Variants in KCNIP4 observed in about 807,000 individuals in gnomAD.
KCNIP4 encodes Kv channel-interacting protein 4.
A neutral mutation model predicts 34.0 loss-of-function variants in KCNIP4; 12 were observed. The observed-to-expected ratio is 0.35, with a 90% CI of 0.23 to 0.57. KCNIP4 has a LOEUF of 0.57. KCNIP4 is among the 20% of genes least tolerant of loss of function. The pLI, the probability that KCNIP4 is intolerant of heterozygous loss-of-function variation, is 0.83. For synonymous variants in KCNIP4, 124 were observed against 102.2 expected (o/e 1.21, Z -1.29); for missense variants, 238 against 311.7 (o/e 0.76, Z 1.78).
In KCNIP4 at chr4:20,956,887, C is replaced by G. The variant is rs116742525; in HGVS notation, c.62-74178G>C. Reference sequence around the variant, plus strand: ...ACATGTATCAGAAGTTAGAATAACACAAATAACTGCTAGCATTTGCATAGC... The same window carrying G: ...ACATGTATCAGAAGTTAGAATAACAGAAATAACTGCTAGCATTTGCATAGC... On this transcript the variant is annotated intron_variant, in intron 1 of 8. Transcript: ENST00000382152. 7.3e-3 allele frequency among the ~76,000 whole-genome samples: 1,104 copies of G among 152,148 alleles called. 15 individuals carry two copies. Among genetic ancestry groups the G allele is most frequent in the African/African-American group, 0.025 (1,029 of 41,512 alleles).
At chr4:21,648,381 G>A (rs1291352692) in intron 1 of KCNIP4, among the ~76,000 whole-genome samples, 2 of 152,134 alleles carry the variant, frequency 1.3e-5, no homozygotes, top group African/African-American at 2.4e-5. Context: ...TAAGCAGTAA[G>A]AGCTCATTGT....
At chr4:21,348,981 G>GTCAATTACTTT (rs1717736924) in intron 1 of KCNIP4, among the ~76,000 whole-genome samples, 1 of 152,104 alleles carries the variant, frequency 6.6e-6, no homozygotes, top group African/African-American at 2.4e-5. Context: ...TGAGAGAATT[G>GTCAATTACTTT]GCTTTGTCAA....
chr4:20,792,466 T>C (rs1712896202), intron 3 of KCNIP4, among the ~76,000 whole-genome samples: 1 of 152,036 alleles, frequency 6.6e-6, no homozygotes. Context: ...TTATCTCATA[T>C]GCCAATGGGA....
intron 1 of KCNIP4, among the ~76,000 whole-genome samples, chr4:21,252,969 A>G (rs1020593796): frequency 6.6e-6 from 1 of 152,024 alleles, no homozygotes; most frequent in Non-Finnish European, 1.5e-5. Flanking sequence ...TATCTACCCC[A>G]TAAAGGGGTT....
chr4:21,870,074 T>C (rs147712844), intron 1 of KCNIP4, among the ~76,000 whole-genome samples: 200 of 152,300 alleles, frequency 1.3e-3, no homozygotes, highest in African/African-American at 2.8e-3. Context: ...TAGGAGGCCA[T>C]ACTAGCTGTT....
chr4:21,182,181 T>C (rs1754888617), intron 1 of KCNIP4, among the ~76,000 whole-genome samples: 1 of 152,144 alleles, frequency 6.6e-6, no homozygotes, highest in African/African-American at 2.4e-5. Flanking sequence ...ACACATTAGA[T>C]GCAGGATGCC....
At chr4:21,021,384 T>C (rs1202565265) in intron 1 of KCNIP4, among the ~76,000 whole-genome samples, 1 of 152,100 alleles carries the variant, frequency 6.6e-6, no homozygotes, top group Admixed American at 6.5e-5. Context: ...ACCCTAAATT[T>C]AACTTAAAAT....
At chr4:20,965,746 T>C (rs1269929710) in intron 1 of KCNIP4, among the ~76,000 whole-genome samples, 1 of 152,228 alleles carries the variant, frequency 6.6e-6, no homozygotes, top group Non-Finnish European at 1.5e-5. Context: ...ATTTTGCAAC[T>C]ATAGAATTTC....
chr4:20,841,882 G>C (rs1465203000), intron 3 of KCNIP4, among the ~76,000 whole-genome samples: 1 of 152,000 alleles, frequency 6.6e-6, no homozygotes, highest in African/African-American at 2.4e-5. Flanking sequence ...ATGATTTTGG[G>C]TTGTTCTTTA....
At chr4:21,666,361 C>T (rs1748961458) in intron 1 of KCNIP4, among the ~76,000 whole-genome samples, 2 of 152,210 alleles carry the variant, frequency 1.3e-5, no homozygotes, top group Non-Finnish European at 2.9e-5. Flanking sequence ...TGCAACGGAT[C>T]ATCTCCCCAC....
At chr4:21,874,347 C>T (rs1158137121) in intron 1 of KCNIP4, among the ~76,000 whole-genome samples, 2 of 152,186 alleles carry the variant, frequency 1.3e-5, no homozygotes, top group African/African-American at 4.8e-5. Flanking sequence ...CACATTTACT[C>T]TCTGTCCTTC....
At chr4:21,096,829 G>A (rs1747496937) in intron 1 of KCNIP4, among the ~76,000 whole-genome samples, 1 of 152,032 alleles carries the variant, frequency 6.6e-6, no homozygotes, top group South Asian at 2.1e-4. Context: ...TAGATAAATA[G>A]CTATGATACC....
chr4:21,043,558 C>A (rs1742149201), intron 1 of KCNIP4, among the ~76,000 whole-genome samples: 1 of 151,644 alleles, frequency 6.6e-6, no homozygotes, highest in African/African-American at 2.4e-5. Flanking sequence ...AGGCTGGTCT[C>A]AAACTCCTGA....
chr4:21,010,816 T>A (rs1323088469), intron 1 of KCNIP4, among the ~76,000 whole-genome samples: 1 of 152,214 alleles, frequency 6.6e-6, no homozygotes, highest in Non-Finnish European at 1.5e-5. Context: ...ATTTTTTAGT[T>A]TAACCTTTCC....
At chr4:21,532,976 A>T (rs1373341027) in intron 1 of KCNIP4, among the ~76,000 whole-genome samples, 1 of 135,446 alleles carries the variant, frequency 7.4e-6, no homozygotes, top group East Asian at 2.4e-4. Flanking sequence ...AAGAGAAAAT[A>T]CATACATATG....
At chr4:21,328,844 C>G (rs1217666872) in intron 1 of KCNIP4, among the ~76,000 whole-genome samples, 1 of 152,230 alleles carries the variant, frequency 6.6e-6, no homozygotes, top group Non-Finnish European at 1.5e-5. Context: ...ACAGAGGAGT[C>G]TCTTCCCTAG....
rs997122095 is a variant in KCNIP4, at chr4:20,972,626, A to G, written c.62-89917T>C. On this transcript the variant is annotated intron_variant, in intron 1 of 8. Coordinates refer to ENST00000382152, the MANE Select transcript of KCNIP4 (RefSeq NM_025221.6). ...CTTTGTTGTTCCACTTACAGAGCAC[A>G]GGCAGAATAGATTTAGTATAGTTTT... Among the ~76,000 whole-genome samples the G allele has an allele frequency of 5.3e-5, 8 of 152,204 alleles. 1 individual carries two copies. The highest frequency in any genetic ancestry group is 7.3e-5 in the Non-Finnish European group (5 of 68,040).
Position 21,843,016 on chromosome 4 carries a change from A to T in KCNIP4, c.61+105555T>A, listed in dbSNP as rs540826625. Among the ~76,000 whole-genome samples the T allele has an allele frequency of 1.1e-4, 17 of 152,212 alleles. No homozygotes were observed. The East Asian group carries it at 3.1e-3, about 28-fold the overall frequency. ...TTCATACCTACATTTCAGAATTAAA[A>T]CTTTATTATCAGAAAATAAATGTTT... On this transcript the variant is annotated intron_variant, in intron 1 of 8. Transcript: ENST00000382152.
chr4:21,613,702 T>C (rs1285666490), intron 1 of KCNIP4: 3 of 152,210 alleles, frequency 2.0e-5, no homozygotes, highest in East Asian at 1.9e-4. Context: ...GGTAGTACCA[T>C]TAAATGTGAC....
Sources: gnomAD v4.1 joint callset for allele counts (sites outside exome capture counted in the v4.1 genomes callset) on GRCh38, gnomAD v4.1.1 for gene constraint, MANE v1.5 for transcripts, NCBI Gene and HGNC (gene_info 2026-07-23, HGNC 2026-07-21) for gene names.